The following DCC variants were observed in gnomAD, a reference collection of about 807,000 sequenced individuals.
The protein encoded by DCC is DCC netrin 1 receptor, also known as netrin receptor DCC.
DCC carries 58 observed loss-of-function variants against 172.5 expected under a neutral mutation model. The ratio of observed to expected loss-of-function variants is 0.34; its 90% confidence interval spans 0.27 to 0.42. The LOEUF is 0.42. Among genes scored for constraint, DCC ranks in the 10% least tolerant of loss-of-function variants. DCC has a pLI of 1.00. For synonymous variants in DCC, 709 were observed against 644.5 expected, an observed-to-expected ratio of 1.10 and a Z score of -1.52; for missense variants, 1,740 against 1,791.0, an observed-to-expected ratio of 0.97 and a Z score of 0.51.
At chr18:53,374,597 G>C (rs189958629) in intron 15 of DCC, among the ~76,000 whole-genome samples, 4 of 152,050 alleles carry the variant, frequency 2.6e-5, no homozygotes, top group African/African-American at 9.7e-5. Context: ...AAGTCTTAAT[G>C]CTTGTTGAGT....
chr18:53,113,773 A>C (rs1165319893), intron 7 of DCC, among the ~76,000 whole-genome samples: 1 of 151,390 alleles, frequency 6.6e-6, no homozygotes, highest in Non-Finnish European at 1.5e-5. Context: ...GGTAAATCCC[A>C]GGTGTTAAAC....
intron 1 of DCC, among the ~76,000 whole-genome samples, chr18:52,404,874 C>T (rs1986581318): frequency 6.9e-6 from 1 of 144,590 alleles, no homozygotes; most frequent in Non-Finnish European, 1.5e-5. Context: ...CATGTGATCT[C>T]ATTGTTCAAT....
At chr18:53,070,065 C>T (rs1216159116) in intron 7 of DCC, among the ~76,000 whole-genome samples, 4 of 151,782 alleles carry the variant, frequency 2.6e-5, no homozygotes, top group Admixed American at 2.0e-4. Flanking sequence ...CTGCAACCTC[C>T]GCCTCCCAGG....
Position 53,305,709 on chromosome 18 carries a change from C to A in DCC, c.2043C>A (p.Tyr681Ter), listed in dbSNP as rs749818218. Residue 681 changes from tyrosine to a stop codon, truncating the protein, a stop_gained, in exon 13 of 29, where the codon TAC (tyrosine) becomes TAA (stop). Transcript: ENST00000442544. LOFTEE classifies it high-confidence loss of function. ...CACTGGAGCCAAACAACCTCTGGTA[C>A]CTATTCACAGGTCAGTGTTCACATG... is the stretch of plus-strand genomic sequence containing the variant. ...METLEPNNLW[Y>*]LFTGLEKGSQ... 6.2e-7 allele frequency: 1 copy of A among 1,613,910 alleles called. No homozygotes were observed. The highest frequency in any genetic ancestry group is 2.2e-5 in the East Asian group (1 of 44,858).
intron 12 of DCC, among the ~76,000 whole-genome samples, chr18:53,257,489 G>C (rs1451408468): frequency 2.0e-5 from 3 of 152,158 alleles, no homozygotes; most frequent in Non-Finnish European, 4.4e-5. Flanking sequence ...TTTGTCATTG[G>C]TTCTGATTAT....
chr18:52,900,870 A>G (rs1358529327), intron 2 of DCC, among the ~76,000 whole-genome samples: 2 of 152,180 alleles, frequency 1.3e-5, no homozygotes, highest in Non-Finnish European at 2.9e-5. Flanking sequence ...TAGGCTAACA[A>G]TGTAAGCCCT....
At chr18:53,245,203 T>C (rs903599121) in intron 12 of DCC, among the ~76,000 whole-genome samples, 2 of 152,152 alleles carry the variant, frequency 1.3e-5, no homozygotes, top group African/African-American at 4.8e-5. Context: ...TTTGTTCAAA[T>C]CTTCCTTCCC....
chr18:53,098,578 G>A (rs1355963594), intron 7 of DCC, among the ~76,000 whole-genome samples: 8 of 152,154 alleles, frequency 5.3e-5, no homozygotes, highest in African/African-American at 1.7e-4. Flanking sequence ...CAGAACTGAT[G>A]CTGTTGTTCT....
At chr18:52,902,666 T>C (rs1487583186) in intron 2 of DCC, among the ~76,000 whole-genome samples, 1 of 152,214 alleles carries the variant, frequency 6.6e-6, no homozygotes, top group Non-Finnish European at 1.5e-5. Flanking sequence ...ACTAAGTTGA[T>C]AGTCTATAAT....
intron 2 of DCC, among the ~76,000 whole-genome samples, chr18:52,783,710 A>G (rs1261665745): frequency 6.6e-6 from 1 of 151,924 alleles, no homozygotes; most frequent in Non-Finnish European, 1.5e-5. Context: ...TAGTGTGTAT[A>G]TATAGTATAT....
chr18:52,715,092 A>G (rs964770478), intron 1 of DCC, among the ~76,000 whole-genome samples: 1 of 152,176 alleles, frequency 6.6e-6, no homozygotes, highest in Non-Finnish European at 1.5e-5. Flanking sequence ...AAGCAATTAC[A>G]GAAAGTCCCT....
intron 5 of DCC, among the ~76,000 whole-genome samples, chr18:53,042,129 T>C (rs183909307): frequency 2.2e-4 from 34 of 152,182 alleles, no homozygotes; most frequent in African/African-American, 7.2e-4. Context: ...CAGTATGATA[T>C]TGGCTGTGGG....
At chr18:52,390,770 A>G (rs1391945652) in intron 1 of DCC, among the ~76,000 whole-genome samples, 1 of 152,058 alleles carries the variant, frequency 6.6e-6, no homozygotes, top group Admixed American at 6.5e-5. Context: ...CTCATTAGGC[A>G]AATATTAGTT....
chr18:52,858,353 G>A (rs994392626), intron 2 of DCC, among the ~76,000 whole-genome samples: 3 of 152,208 alleles, frequency 2.0e-5, no homozygotes, highest in African/African-American at 7.2e-5. Context: ...AGTACTGGTA[G>A]AGTAAATCGA....
chr18:52,713,997 C>T (rs2036338206), intron 1 of DCC, among the ~76,000 whole-genome samples: 2 of 152,170 alleles, frequency 1.3e-5, no homozygotes, highest in South Asian at 4.1e-4. Flanking sequence ...CATCTGGGGA[C>T]TTATAGTCTA....
intron 1 of DCC, among the ~76,000 whole-genome samples, chr18:52,618,802 A>G (rs1363660451): frequency 6.6e-6 from 1 of 152,200 alleles, no homozygotes; most frequent in African/African-American, 2.4e-5. Context: ...CTTTTAATTC[A>G]GACAGAGCTT....
chr18:53,511,902 A>G (rs1285773232), intron 27 of DCC, among the ~76,000 whole-genome samples: 1 of 152,206 alleles, frequency 6.6e-6, no homozygotes, highest in Non-Finnish European at 1.5e-5. Flanking sequence ...GGCGCCCGCC[A>G]TTGCCCAGGC....
At chr18:52,576,595 C>T (rs1168919172) in intron 1 of DCC, among the ~76,000 whole-genome samples, 1 of 151,962 alleles carries the variant, frequency 6.6e-6, no homozygotes, top group Non-Finnish European at 1.5e-5. Context: ...TTTGGGAGGC[C>T]GAGGCGTGTG....
At chr18:53,176,803 A>G (rs1361482380) in intron 8 of DCC, among the ~76,000 whole-genome samples, 1 of 151,764 alleles carries the variant, frequency 6.6e-6, no homozygotes, top group East Asian at 1.9e-4. Flanking sequence ...TGGAAATACC[A>G]TTTGACCCAG....
Sources: gnomAD v4.1 joint callset for allele counts (sites outside exome capture counted in the v4.1 genomes callset) on GRCh38, gnomAD v4.1.1 for gene constraint, MANE v1.5 for transcripts, NCBI Gene and HGNC (gene_info 2026-07-23, HGNC 2026-07-21) for gene names.